Variants in CYP4X1 observed in about 807,000 individuals in gnomAD.
The protein encoded by CYP4X1 is cytochrome P450 family 4 subfamily X member 1.
In CYP4X1, 44 loss-of-function variants were observed where a neutral mutation model predicts 57.9. The observed-to-expected ratio is 0.76, with a 90% CI of 0.60 to 0.98. CYP4X1 has a LOEUF of 0.98. Among genes scored for constraint, CYP4X1 ranks in the 50% least tolerant of loss-of-function variants. The probability of loss-of-function intolerance (pLI) is 0.00; values close to 1 mark genes in which losing one functional copy is unlikely to be tolerated. For missense variants in CYP4X1, 532 were observed against 623.9 expected, an observed-to-expected ratio of 0.85 and a Z score of 1.57; for synonymous variants, 227 against 228.6, an observed-to-expected ratio of 0.99 and a Z score of 0.06.
At position 47,023,770 on chromosome 1, in the gene CYP4X1, C is replaced by A; in HGVS notation, c.-48C>A. The A allele has an allele frequency of 6.3e-7, 1 of 1,586,664 alleles. No individual in the cohort carries two copies. The stretch of plus-strand genomic sequence containing the variant: ...AGCTCCGGGCGGGAGAAAGCCCACC[C>A]TCTCCCGCGCCCCAGGAAACCGCCG... On this transcript the variant is annotated 5_prime_UTR_variant, in exon 1 of 12. Coordinates refer to ENST00000371901, the MANE Select transcript of CYP4X1 (RefSeq NM_178033.2).
chr1:47,045,135 T>C lies in CYP4X1; in HGVS notation c.1074-1332T>C, dbSNP rs376310779. 4.6e-5 allele frequency among the ~76,000 whole-genome samples: 7 copies of C among 152,268 alleles called. No homozygotes were observed. In the East Asian group the frequency reaches 1.2e-3, roughly 25 times the overall value. On this transcript the variant is annotated intron_variant, in intron 8 of 11. Coordinates refer to ENST00000371901, the MANE Select transcript of CYP4X1 (RefSeq NM_178033.2). ...CCACTGCGCCTGGCCAGAATTACTCTTATTTATCCTGAGCTTGAGGAAGAA... is the reference window on the plus strand; with the variant it reads ...CCACTGCGCCTGGCCAGAATTACTCCTATTTATCCTGAGCTTGAGGAAGAA...
the CYP4X1 span, among the ~76,000 whole-genome samples, chr1:46,988,869 C>G: frequency 6.6e-6 from 1 of 152,096 alleles, no homozygotes; most frequent in Non-Finnish European, 1.5e-5. Flanking sequence ...ATGCTAAAAA[C>G]TCTCAGTAAA....
intron 4 of CYP4X1, among the ~76,000 whole-genome samples, chr1:47,034,950 G>A (rs1644163779): frequency 1.3e-5 from 2 of 151,578 alleles, no homozygotes; most frequent in Admixed American, 6.6e-5. Context: ...TTTGTTCTTA[G>A]TAAAACTTAC....
the CYP4X1 span, among the ~76,000 whole-genome samples, chr1:46,979,531 G>A: frequency 7.4e-4 from 113 of 152,162 alleles, no homozygotes; most frequent in Non-Finnish European, 1.2e-3. Flanking sequence ...ATTCACAGCC[G>A]AATTCTACCA....
chr1:47,031,315 G>C, intron 2 of CYP4X1, 121 bp from the exon 3 acceptor site: 2 of 1,184,126 alleles, frequency 1.7e-6, no homozygotes, highest in Non-Finnish European at 2.4e-6. Context: ...AGTAAGCCCT[G>C]GGCTCTCTTT....
At chr1:47,024,064 G>T in intron 1 of CYP4X1, 70 bp downstream of exon 1, 2 of 1,513,258 alleles carry the variant, frequency 1.3e-6, no homozygotes, top group Admixed American at 4.0e-5. Flanking sequence ...GAGCCCAGCC[G>T]GCAGAGAGAC....
chr1:47,036,281 GGAGCTTTTATATA>G (rs1644180966), intron 6 of CYP4X1, 110 bp downstream of exon 6: 1 of 1,335,070 alleles, frequency 7.5e-7, no homozygotes, highest in Admixed American at 2.7e-5. Flanking sequence ...TGTTATTAAT[GGAGCTTTTATATA>G]GACACTGCTC....
chr1:47,022,074 T>C (rs1298992169), upstream of CYP4X1, among the ~76,000 whole-genome samples: 1 of 152,052 alleles, frequency 6.6e-6, no homozygotes, highest in Non-Finnish European at 1.5e-5. Flanking sequence ...AAAGCTGAAA[T>C]GCCATGAGTT....
chr1:47,044,824 CT>C (rs35504579), intron 8 of CYP4X1, among the ~76,000 whole-genome samples: 132 of 144,708 alleles, frequency 9.1e-4, no homozygotes, highest in Middle Eastern at 3.6e-3. Flanking sequence ...CAGAATTACT[CT>C]TTTTTTTTTT....
chr1:47,050,560 A>T lies in CYP4X1; in HGVS notation c.*386A>T, dbSNP rs1005761154. 1.2e-5 allele frequency: 2 copies of T among 164,622 alleles called. No individual in the cohort carries two copies. The highest frequency in any genetic ancestry group is 1.2e-4 in the Admixed American group (2 of 17,158). 10.2% of individuals were successfully genotyped at this position (164,622 alleles called of 1,614,324 possible). A position where few individuals can be genotyped will look rare whatever the true frequency, so the allele number is the denominator to read the frequency against. ...GAATAAAAATTTTAAATCTCACTTC[A>T]CTTAGCCGACATTCCATGCCCTGAC... On this transcript the variant is annotated 3_prime_UTR_variant, in exon 12 of 12. Transcript: ENST00000371901.
At chr1:47,020,819 C>A (rs1006833252), upstream of CYP4X1, among the ~76,000 whole-genome samples, 2 of 152,136 alleles carry the variant, frequency 1.3e-5, no homozygotes, top group African/African-American at 4.8e-5. Context: ...ATATAGATTG[C>A]CATACTGAAT....
intron 10 of CYP4X1, among the ~76,000 whole-genome samples, 193 bp downstream of exon 10, chr1:47,048,822 C>A (rs1020974926): frequency 3.9e-5 from 6 of 152,230 alleles, no homozygotes; most frequent in Admixed American, 3.9e-4. Context: ...TCAGTGATTT[C>A]TTTCATGTAA....
At chr1:47,052,864 G>T (rs1440838576), downstream of CYP4X1, among the ~76,000 whole-genome samples, 1 of 151,994 alleles carries the variant, frequency 6.6e-6, no homozygotes, top group Non-Finnish European at 1.5e-5. Context: ...TGTTTTCTGT[G>T]ATTTGTCTGT....
At chr1:46,981,460 A>G in the CYP4X1 span, among the ~76,000 whole-genome samples, 1 of 152,238 alleles carries the variant, frequency 6.6e-6, no homozygotes. Flanking sequence ...TAGAATGGCG[A>G]TCATTAAAAA....
the CYP4X1 span, among the ~76,000 whole-genome samples, chr1:46,969,388 A>G: frequency 6.6e-6 from 1 of 152,174 alleles, no homozygotes; most frequent in Non-Finnish European, 1.5e-5. Flanking sequence ...GCAATGCAAG[A>G]GTGGTCTAAT....
At chr1:46,965,637 G>T in the CYP4X1 span, among the ~76,000 whole-genome samples, 2 of 152,204 alleles carry the variant, frequency 1.3e-5, no homozygotes, top group African/African-American at 4.8e-5. Flanking sequence ...TGGCCTGAAT[G>T]CACCTGGAAA....
downstream of CYP4X1, among the ~76,000 whole-genome samples, chr1:47,053,122 G>A (rs947431266): frequency 1.3e-5 from 2 of 151,530 alleles, no homozygotes; most frequent in East Asian, 1.9e-4. Flanking sequence ...CTGTGTCCAC[G>A]TGTTCTCATT....
downstream of CYP4X1, among the ~76,000 whole-genome samples, chr1:47,053,379 C>T (rs571213461): frequency 1.8e-3 from 276 of 152,202 alleles, 4 homozygotes; most frequent in Admixed American, 0.017. Context: ...AATAAACATA[C>T]GTGTGCATGT....
chr1:46,993,743 T>C, the CYP4X1 span, among the ~76,000 whole-genome samples: 1 of 152,272 alleles, frequency 6.6e-6, no homozygotes, highest in African/African-American at 2.4e-5. Context: ...GAGAAGTGTC[T>C]GTTCATATCC....
Sources: gnomAD v4.1 joint callset for allele counts (sites outside exome capture counted in the v4.1 genomes callset) on GRCh38, gnomAD v4.1.1 for gene constraint, MANE v1.5 for transcripts, NCBI Gene and HGNC (gene_info 2026-07-23, HGNC 2026-07-21) for gene names.